GPHN: variants seen among roughly 807,000 people sequenced by gnomAD.
The protein encoded by GPHN is gephyrin.
Under a neutral mutation model 95.5 loss-of-function variants are expected in GPHN, and 17 were observed. That is an observed-to-expected ratio of 0.18 (90% CI 0.12 to 0.27). The LOEUF is 0.27. Among genes scored for constraint, GPHN ranks in the 10% least tolerant of loss-of-function variants. GPHN has a pLI of 1.00. For missense variants in GPHN, 660 were observed against 978.1 expected, an observed-to-expected ratio of 0.67 and a Z score of 4.34; for synonymous variants, 320 against 322.5, an observed-to-expected ratio of 0.99 and a Z score of 0.08.
At chr14:67,445,178 T>G in the GPHN span, among the ~76,000 whole-genome samples, 2 of 152,180 alleles carry the variant, frequency 1.3e-5, no homozygotes, top group Non-Finnish European at 2.9e-5. Flanking sequence ...AATGAAGCAG[T>G]GATCATAAGT....
chr14:67,648,082 A>T, the GPHN span: 1 of 1,613,742 alleles, frequency 6.2e-7, no homozygotes, highest in Non-Finnish European at 8.5e-7. Context: ...TTTGATATTG[A>T]TGCATTTGAC....
At chr14:67,122,463 A>C in intron 17 of GPHN, 86 bp downstream of exon 17, 4 of 1,168,614 alleles carry the variant, frequency 3.4e-6, no homozygotes, top group Middle Eastern at 1.9e-4. Flanking sequence ...GCTGCTAAAG[A>C]GACAGAAATT....
the GPHN span, among the ~76,000 whole-genome samples, chr14:67,420,641 G>A: frequency 6.6e-6 from 1 of 152,142 alleles, no homozygotes; most frequent in Non-Finnish European, 1.5e-5. Context: ...TGCCAGCGCC[G>A]AGACTCTCAA....
chr14:66,989,672 A>T (rs1190287343), intron 9 of GPHN, among the ~76,000 whole-genome samples: 1 of 143,412 alleles, frequency 7.0e-6, no homozygotes, highest in South Asian at 2.2e-4. Context: ...AAAAAAAAAA[A>T]ACCTATCCAA....
At chr14:66,722,258 C>A (rs2070824217) in intron 2 of GPHN, among the ~76,000 whole-genome samples, 1 of 151,920 alleles carries the variant, frequency 6.6e-6, no homozygotes, top group South Asian at 2.1e-4. Flanking sequence ...ATAAAGGTAA[C>A]ATGAAATTGT....
chr14:66,551,807 T>C (rs1451866065), intron 1 of GPHN, among the ~76,000 whole-genome samples: 1 of 152,048 alleles, frequency 6.6e-6, no homozygotes, highest in East Asian at 1.9e-4. Flanking sequence ...CTACACAGTT[T>C]TAAACAACCA....
intron 1 of GPHN, among the ~76,000 whole-genome samples, chr14:66,645,546 G>A (rs1032200471): frequency 3.3e-5 from 5 of 151,810 alleles, no homozygotes; most frequent in Non-Finnish European, 7.4e-5. Flanking sequence ...CAAAAAGTTA[G>A]CCAGCCGTGG....
chr14:67,232,197 A>C, the GPHN span, among the ~76,000 whole-genome samples: 2 of 152,144 alleles, frequency 1.3e-5, no homozygotes, highest in African/African-American at 4.8e-5. Context: ...AAAACAGCCC[A>C]TAGTTTCTGT....
At chr14:66,708,068 A>G (rs1464137730) in intron 2 of GPHN, among the ~76,000 whole-genome samples, 1 of 152,168 alleles carries the variant, frequency 6.6e-6, no homozygotes, top group Non-Finnish European at 1.5e-5. Flanking sequence ...TTTCCAAGTG[A>G]ATTTTTAAAA....
chr14:67,630,641 G>A, the GPHN span, among the ~76,000 whole-genome samples: 1 of 152,132 alleles, frequency 6.6e-6, no homozygotes, highest in African/African-American at 2.4e-5. Context: ...GTGCAGTGGC[G>A]CGATCTTGGC....
intron 3 of GPHN, among the ~76,000 whole-genome samples, chr14:66,822,877 C>T (rs1029402377): frequency 2.0e-5 from 3 of 152,122 alleles, no homozygotes; most frequent in African/African-American, 7.2e-5. Flanking sequence ...CATTTCACTA[C>T]CGTAATGGAA....
chr14:66,691,589 G>A (rs1410174719), intron 2 of GPHN, among the ~76,000 whole-genome samples: 1 of 152,152 alleles, frequency 6.6e-6, no homozygotes, highest in African/African-American at 2.4e-5. Context: ...ACACAGCCAT[G>A]CATAGTGTTT....
At chr14:67,306,383 C>T in the GPHN span, among the ~76,000 whole-genome samples, 10 of 151,880 alleles carry the variant, frequency 6.6e-5, no homozygotes, top group African/African-American at 2.4e-4. Context: ...CTTGCTCTGT[C>T]GCCCAGGCTG....
At chr14:66,741,310 A>T (rs117193779) in intron 2 of GPHN, among the ~76,000 whole-genome samples, 1,828 of 152,338 alleles carry the variant, frequency 0.012, 19 homozygotes, top group Non-Finnish European at 0.018. Context: ...TATTCATATG[A>T]TAAATATTTA....
At chr14:66,979,660 TCTC>T (rs2070513243) in intron 9 of GPHN, among the ~76,000 whole-genome samples, 1 of 152,212 alleles carries the variant, frequency 6.6e-6, no homozygotes, top group African/African-American at 2.4e-5. Context: ...TTCACTTTCT[TCTC>T]ATTCATATGT....
the GPHN span, among the ~76,000 whole-genome samples, chr14:67,267,439 T>G: frequency 6.6e-6 from 1 of 151,904 alleles, no homozygotes; most frequent in Non-Finnish European, 1.5e-5. Context: ...TTAGTAGAGA[T>G]GGGGGTTCAT....
chr14:66,915,105 G>T (rs187678135), intron 5 of GPHN, among the ~76,000 whole-genome samples: 1 of 152,200 alleles, frequency 6.6e-6, no homozygotes, highest in East Asian at 1.9e-4. Flanking sequence ...CAGATTGTAA[G>T]TAGGACAAGA....
the GPHN span, among the ~76,000 whole-genome samples, chr14:67,529,147 T>C: frequency 2.0e-5 from 3 of 152,118 alleles, no homozygotes; most frequent in Non-Finnish European, 4.4e-5. Context: ...TTTATCTCCA[T>C]CTTTATAATA....
chr14:67,321,994 T>TTG, the GPHN span, among the ~76,000 whole-genome samples: 1 of 151,816 alleles, frequency 6.6e-6, no homozygotes, highest in Admixed American at 6.5e-5. Flanking sequence ...CAGTGAATGC[T>TTG]TGGTTGTATG....
Sources: allele counts gnomAD v4.1 joint callset (sites outside exome capture counted in the v4.1 genomes callset), GRCh38; gene constraint gnomAD v4.1.1; transcripts MANE v1.5; gene names NCBI Gene and HGNC (gene_info 2026-07-23, HGNC 2026-07-21).